The following OSBPL10 variants were observed in gnomAD, a reference collection of about 807,000 sequenced individuals.
OSBPL10 encodes the protein oxysterol-binding protein-related protein 10.
OSBPL10 carries 49 observed loss-of-function variants against 81.7 expected under a neutral mutation model. The ratio of observed to expected loss-of-function variants is 0.60; its 90% CI spans 0.48 to 0.76. The LOEUF is 0.76. Ranked by LOEUF, OSBPL10 falls within the 30% of genes least tolerant of loss-of-function variation. The pLI is 0.00. For synonymous variants in OSBPL10, 419 were observed against 383.6 expected, an observed-to-expected ratio of 1.09 and a Z score of -1.08; for missense variants, 923 against 987.8, an observed-to-expected ratio of 0.93 and a Z score of 0.88.
At chr3:31,942,116 T>G (rs1697549723) in intron 1 of OSBPL10, among the ~76,000 whole-genome samples, 1 of 151,668 alleles carries the variant, frequency 6.6e-6, no homozygotes, top group Non-Finnish European at 1.5e-5. Flanking sequence ...CTACTAAAAA[T>G]ACAAAAAAAT....
At chr3:32,026,055 G>GATAT (rs1559551443) in intron 2 of OSBPL10, among the ~76,000 whole-genome samples, 15 of 103,128 alleles carry the variant, frequency 1.5e-4, no homozygotes, top group African/African-American at 6.1e-4. Flanking sequence ...TAGATAGATA[G>GATAT]ATGATAGATA....
rs552063468 is a variant in OSBPL10 at position 32,017,994 on chromosome 3, C to T, written n.298+28497G>A. On this transcript the variant is annotated intron_variant and non_coding_transcript_variant, in intron 2 of 3. Transcript: ENST00000479173. ...TGAAACCCCGTCTCTACTAAAAATACAAAATTAGCTGGGCTTGGTGGCGGG... is the reference window on the plus strand; with the variant it reads ...TGAAACCCCGTCTCTACTAAAAATATAAAATTAGCTGGGCTTGGTGGCGGG... Among the ~76,000 whole-genome samples the T allele has an allele frequency of 3.2e-3, 485 of 151,844 alleles. 2 individuals carry two copies. Among genetic ancestry groups the T allele is most frequent in the African/African-American group, 0.011 (470 of 41,404 alleles).
chr3:32,034,198 G>T (rs1484152961), intron 2 of OSBPL10, among the ~76,000 whole-genome samples: 1 of 152,054 alleles, frequency 6.6e-6, no homozygotes. Flanking sequence ...TGACGTGTAG[G>T]GATTACGGGG....
intron 2 of OSBPL10, chr3:31,990,377 A>T: frequency 6.2e-7 from 1 of 1,614,098 alleles, no homozygotes; most frequent in South Asian, 1.1e-5. Context: ...AAATGTGGCA[A>T]ATTTTTTAGA....
At chr3:32,027,012 C>A (rs986821469) in intron 2 of OSBPL10, among the ~76,000 whole-genome samples, 1 of 152,198 alleles carries the variant, frequency 6.6e-6, no homozygotes, top group Non-Finnish European at 1.5e-5. Context: ...GTGGAGGAGT[C>A]ATTTATTACT....
intron 1 of OSBPL10, among the ~76,000 whole-genome samples, 184 bp from the exon 2 acceptor site, chr3:31,880,014 A>C (rs1695512451): frequency 6.6e-6 from 1 of 152,204 alleles, no homozygotes. Flanking sequence ...CTGGATTCTT[A>C]AATCAGAGTG....
intron 1 of OSBPL10, among the ~76,000 whole-genome samples, chr3:31,944,114 A>G (rs1697622861): frequency 6.6e-6 from 1 of 152,132 alleles, no homozygotes; most frequent in Non-Finnish European, 1.5e-5. Flanking sequence ...TAAATAACAC[A>G]GCAATGAACA....
chr3:31,953,920 G>A (rs567574808), intron 1 of OSBPL10, among the ~76,000 whole-genome samples: 4 of 152,176 alleles, frequency 2.6e-5, no homozygotes, highest in Admixed American at 6.5e-5. Context: ...ACAGAATGAC[G>A]CCTTTTTCCA....
intron 1 of OSBPL10, among the ~76,000 whole-genome samples, chr3:32,070,012 G>A (rs1375488920): frequency 1.3e-5 from 2 of 152,194 alleles, no homozygotes; most frequent in Non-Finnish European, 2.9e-5. Flanking sequence ...AGCCTCTGGA[G>A]CCCAAACCCA....
intron 2 of OSBPL10, among the ~76,000 whole-genome samples, chr3:31,999,869 C>T (rs963309396): frequency 2.0e-5 from 3 of 152,072 alleles, no homozygotes; most frequent in Non-Finnish European, 4.4e-5. Context: ...GTCACAAAAC[C>T]GGGCCTGAAA....
chr3:31,883,102 G>A (rs1695634871), intron 1 of OSBPL10, among the ~76,000 whole-genome samples: 1 of 152,146 alleles, frequency 6.6e-6, no homozygotes, highest in African/African-American at 2.4e-5. Flanking sequence ...CTCATGGCAA[G>A]TTAGAACATG....
chr3:31,967,897 G>C (rs76827416), intron 1 of OSBPL10, among the ~76,000 whole-genome samples: 2,596 of 152,262 alleles, frequency 0.017, 51 homozygotes, highest in African/African-American at 0.046. Context: ...AGGCAAATTG[G>C]ATAATGTTTA....
chr3:31,817,698 G>A (rs1243582146), intron 4 of OSBPL10, among the ~76,000 whole-genome samples: 1 of 152,192 alleles, frequency 6.6e-6, no homozygotes, highest in African/African-American at 2.4e-5. Context: ...GATAGAGCAG[G>A]AGGCCTGGGT....
chr3:31,748,644 A>AAG (rs5847714), intron 4 of OSBPL10, among the ~76,000 whole-genome samples: 130 of 2,042 alleles, frequency 0.064, no homozygotes, highest in Admixed American at 0.17. Context: ...GCTCGCTTGC[A>AAG]AAAAAAAAAA....
In OSBPL10 at chr3:31,698,595, C is replaced by G. The variant is rs562696864; in HGVS notation, c.1245+3764G>C. Among the ~76,000 whole-genome samples, 14 of 152,294 alleles carry G rather than the reference C, an allele frequency of 9.2e-5. No homozygotes were observed. The South Asian group carries it at 2.3e-3, about 25-fold the overall frequency. On this transcript the variant is annotated intron_variant, in intron 7 of 11. Coordinates refer to ENST00000396556, the MANE Select transcript of OSBPL10 (RefSeq NM_017784.5). Reference sequence around the variant, plus strand: ...AACGGCCCTATAACCTGCTGTCTCACCAACTTACTCTCCTGCCAATCCCAC... The same window carrying G: ...AACGGCCCTATAACCTGCTGTCTCAGCAACTTACTCTCCTGCCAATCCCAC...
intron 6 of OSBPL10, among the ~76,000 whole-genome samples, chr3:31,719,291 C>T (rs1305395308): frequency 6.6e-6 from 1 of 152,120 alleles, no homozygotes; most frequent in East Asian, 1.9e-4. Context: ...AAAATGCACC[C>T]AAAAGGTGGA....
intron 4 of OSBPL10, among the ~76,000 whole-genome samples, chr3:31,766,400 T>C (rs1254438805): frequency 6.7e-6 from 1 of 149,146 alleles, no homozygotes; most frequent in Non-Finnish European, 1.5e-5. Flanking sequence ...TAGAGTGCAG[T>C]GGCACAATCA....
intron 5 of OSBPL10, among the ~76,000 whole-genome samples, chr3:31,745,032 C>G (rs1028873830): frequency 2.0e-5 from 3 of 152,146 alleles, no homozygotes; most frequent in Non-Finnish European, 2.9e-5. Context: ...GAGGCTCATT[C>G]CAGATCAGAA....
Position 31,885,223 on chromosome 3 carries a change from A to G in OSBPL10, c.282-5393T>C, listed in dbSNP as rs114221978. 4.3e-3 allele frequency among the ~76,000 whole-genome samples: 660 copies of G among 152,332 alleles called. 2 individuals carry two copies. The highest frequency in any genetic ancestry group is 0.015 in the African/African-American group (629 of 41,574). On this transcript the variant is annotated intron_variant, in intron 1 of 11. Transcript: ENST00000396556. ...CACTGATGCCCACAAACATACATGC[A>G]TCTCACACACACTATACATATAAAC...
Sources: allele counts gnomAD v4.1 joint callset (sites outside exome capture counted in the v4.1 genomes callset), GRCh38; gene constraint gnomAD v4.1.1; transcripts MANE v1.5; gene names NCBI Gene and HGNC (gene_info 2026-07-23, HGNC 2026-07-21).